Variants in AK3 observed in about 807,000 individuals in gnomAD.
AK3 encodes the protein adenylate kinase 3.
Under a neutral mutation model 23.7 loss-of-function variants are expected in AK3, and 27 were observed. That is an observed-to-expected ratio of 1.14 (90% confidence interval 0.84 to 1.57). The LOEUF is 1.57. Among genes scored for constraint, AK3 ranks in the 40% most tolerant of loss-of-function variants. The probability of loss-of-function intolerance (pLI) is 0.00; values close to 1 mark genes in which losing one functional copy is unlikely to be tolerated. For synonymous variants in AK3, 159 were observed against 116.0 expected, an observed-to-expected ratio of 1.37 and a Z score of -2.38; for missense variants, 406 against 285.6, an observed-to-expected ratio of 1.42 and a Z score of -3.04.
chr9:4,725,116 C>G (rs950825182), intron 1 of AK3, among the ~76,000 whole-genome samples: 9 of 151,472 alleles, frequency 5.9e-5, no homozygotes, highest in Non-Finnish European at 1.0e-4. Flanking sequence ...TCCCCCCTCC[C>G]AGGTTCAAGT....
intron 1 of AK3, among the ~76,000 whole-genome samples, chr9:4,724,629 A>T (rs920528543): frequency 6.6e-6 from 1 of 152,204 alleles, no homozygotes; most frequent in African/African-American, 2.4e-5. Context: ...AGATTAAAAA[A>T]TTAGCTGGGT....
intron 1 of AK3, among the ~76,000 whole-genome samples, chr9:4,734,759 C>G (rs1842230937): frequency 6.6e-6 from 1 of 152,108 alleles, no homozygotes; most frequent in South Asian, 2.1e-4. Flanking sequence ...AAATGTTCAC[C>G]AACTTATGAA....
intron 1 of AK3, among the ~76,000 whole-genome samples, chr9:4,726,369 T>C (rs1366317800): frequency 6.6e-6 from 1 of 152,220 alleles, no homozygotes; most frequent in Admixed American, 6.5e-5. Context: ...AAAACTGTAG[T>C]CTATCCTCTC....
At chr9:4,717,764 C>A (rs1368270367) in intron 4 of AK3, among the ~76,000 whole-genome samples, 1 of 152,232 alleles carries the variant, frequency 6.6e-6, no homozygotes, top group Admixed American at 6.5e-5. Context: ...TTTCGCCCAA[C>A]TGTAGGCTAA....
At chr9:4,732,594 AG>A (rs1842180296) in intron 1 of AK3, among the ~76,000 whole-genome samples, 3 of 152,244 alleles carry the variant, frequency 2.0e-5, no homozygotes, top group African/African-American at 7.2e-5. Context: ...ACACAAAAGT[AG>A]GAAAAGAAGG....
chr9:4,737,092 T>TCTTTACTATATAGTTC (rs57874514), intron 1 of AK3, among the ~76,000 whole-genome samples: 3 of 150,680 alleles, frequency 2.0e-5, no homozygotes, highest in Non-Finnish European at 3.0e-5. Context: ...ATATAGTTTT[T>TCTTTACTATATAGTTC]TTTACTATAT....
rs187919690 is a variant in AK3, at chr9:4,735,028, G to A, written c.151+5909C>T. 1.5e-3 allele frequency among the ~76,000 whole-genome samples: 231 copies of A among 151,690 alleles called. 2 individuals are homozygous for A. Among genetic ancestry groups the A allele is most frequent in the Admixed American group, 0.013 (202 of 15,216 alleles). On this transcript the variant is annotated intron_variant, in intron 1 of 4. Coordinates refer to ENST00000381809, the MANE Select transcript of AK3 (RefSeq NM_016282.4). The stretch of plus-strand genomic sequence containing the variant: ...GTGTGGGGTAGGAACAGAAGTGACG[G>A]CTAATAGGTATGAAGTTTCTTTTAT...
At chr9:4,740,877 C>T (rs1440805822) in intron 1 of AK3, 60 bp downstream of exon 1, 5 of 1,415,250 alleles carry the variant, frequency 3.5e-6, no homozygotes, top group South Asian at 1.5e-5. Context: ...TTCGGCCCCT[C>T]GCCCGCGAAG....
At chr9:4,719,335 A>G in intron 2 of AK3, 28 bp from the exon 3 acceptor site, 6 of 1,437,052 alleles carry the variant, frequency 4.2e-6, no homozygotes, top group Non-Finnish European at 4.7e-6. Context: ...GAAAAAGAAG[A>G]AGAAAAAAGA....
intron 1 of AK3, among the ~76,000 whole-genome samples, chr9:4,733,142 C>A (rs1455831627): frequency 6.6e-6 from 1 of 152,118 alleles, no homozygotes; most frequent in Admixed American, 6.6e-5. Flanking sequence ...AGCCACCCGC[C>A]AACCAGCAGT....
chr9:4,735,015 A>C (rs1842237215), intron 1 of AK3, among the ~76,000 whole-genome samples: 1 of 151,692 alleles, frequency 6.6e-6, no homozygotes, highest in African/African-American at 2.4e-5. Flanking sequence ...GTGGGGTAGG[A>C]ACAGAAGTGA....
chr9:4,722,033 ATCT>A (rs1025390867), intron 2 of AK3, among the ~76,000 whole-genome samples: 2 of 152,220 alleles, frequency 1.3e-5, no homozygotes, highest in African/African-American at 4.8e-5. Flanking sequence ...TATGACTCAG[ATCT>A]TCTTGAAGAA....
chr9:4,723,506 A>T (rs1841952868), intron 1 of AK3, among the ~76,000 whole-genome samples: 1 of 152,206 alleles, frequency 6.6e-6, no homozygotes, highest in South Asian at 2.1e-4. Flanking sequence ...ACAATTTAAT[A>T]ATATTACCTA....
intron 4 of AK3, among the ~76,000 whole-genome samples, chr9:4,714,205 T>C (rs117226809): frequency 0.27 from 21,025 of 78,132 alleles, 5,495 homozygotes; most frequent in African/African-American, 0.49. Flanking sequence ...CCTCCACATA[T>C]ACACCTCCAC....
intron 1 of AK3, among the ~76,000 whole-genome samples, chr9:4,735,126 G>A (rs979632290): frequency 5.3e-5 from 8 of 149,938 alleles, no homozygotes; most frequent in Non-Finnish European, 8.8e-5. Context: ...GGGCACTGTG[G>A]CTCATGCCTG....
intron 2 of AK3, 108 bp downstream of exon 2, chr9:4,722,398 C>T (rs75542723): frequency 0.024 from 36,338 of 1,508,878 alleles, 561 homozygotes; most frequent in Non-Finnish European, 0.028. Flanking sequence ...AAGCACCCCT[C>T]TCCCCAAACC....
At chr9:4,722,123 C>T (rs1841914071) in intron 2 of AK3, among the ~76,000 whole-genome samples, 1 of 152,176 alleles carries the variant, frequency 6.6e-6, no homozygotes, top group African/African-American at 2.4e-5. Context: ...TGTGTCCTCT[C>T]TATATTAACA....
At chr9:4,717,015 T>C (rs1347963992) in intron 4 of AK3, among the ~76,000 whole-genome samples, 1 of 152,220 alleles carries the variant, frequency 6.6e-6, no homozygotes, top group African/African-American at 2.4e-5. Context: ...ACAATAACAA[T>C]AGCTAACATT....
At chr9:4,715,696 C>T (rs981412332) in intron 4 of AK3, among the ~76,000 whole-genome samples, 2 of 152,092 alleles carry the variant, frequency 1.3e-5, no homozygotes, top group African/African-American at 4.8e-5. Context: ...TGTCCCAGGC[C>T]CCTTCCCATA....
Sources: allele counts gnomAD v4.1 joint callset (sites outside exome capture counted in the v4.1 genomes callset), GRCh38; gene constraint gnomAD v4.1.1; transcripts MANE v1.5; gene names NCBI Gene and HGNC (gene_info 2026-07-23, HGNC 2026-07-21).